FANCA: variants seen among roughly 807,000 people sequenced by gnomAD.
FANCA encodes Fanconi anemia group A protein.
FANCA carries 236 observed loss-of-function variants against 194.3 expected under a neutral mutation model. The ratio of observed to expected loss-of-function variants is 1.21; its 90% CI spans 1.09 to 1.35. The LOEUF (loss-of-function observed/expected upper bound fraction) is 1.35, where lower values mean the gene tolerates loss of function less well. Among genes scored for constraint, FANCA ranks in the 40% most tolerant of loss-of-function variants. The pLI is 0.00. For missense variants in FANCA, 2,628 were observed against 1,813.9 expected (o/e 1.45, Z -8.15); for synonymous variants, 1,014 against 715.8 (o/e 1.42, Z -6.65).
At chr16:89,799,521 C>CA (rs1321004574) in intron 9 of FANCA, 84 bp downstream of exon 9, 6 of 1,353,176 alleles carry the variant, frequency 4.4e-6, no homozygotes, top group Non-Finnish European at 6.4e-6. Context: ...AGAAATACCT[C>CA]AAATGGAAAG....
At chr16:89,805,023 G>C (rs17232302) in intron 7 of FANCA, among the ~76,000 whole-genome samples, 84 of 152,250 alleles carry the variant, frequency 5.5e-4, no homozygotes, top group African/African-American at 1.8e-3. Context: ...GCGACAGAAG[G>C]AAGCAGCTGC....
At chr16:89,816,491 C>T (rs2041134369) in intron 1 of FANCA, 46 bp downstream of exon 1, 2 of 1,449,330 alleles carry the variant, frequency 1.4e-6, no homozygotes, top group Non-Finnish European at 1.8e-6. Flanking sequence ...CGAAACCGTC[C>T]CGGGCCGGAC....
Position 89,758,583 on chromosome 16 carries a change from T to A in FANCA, c.2975A>T (p.His992Leu), listed in dbSNP as rs184007986. The A allele has an allele frequency of 1.9e-5, 30 of 1,613,630 alleles. No homozygotes were observed. The highest frequency in any genetic ancestry group is 2.5e-5 in the Non-Finnish European group (29 of 1,179,642). ...TACAGTGTGTGCTGCTAACCTTTGG[T>A]GGAAATCCATCAGTGCGTTGACAAG... ...TILVNALMDF[H>L]QSSRSYDHSE... The change falls in exon 30 of 43, where the codon CAC (histidine) becomes CTC (leucine). Residue 992 changes from histidine to leucine, a missense_variant. His to Leu is a moderately conservative substitution (Grantham distance 99). Transcript: ENST00000389301.
chr16:89,783,642 C>A (rs1384372617), intron 15 of FANCA, among the ~76,000 whole-genome samples: 1 of 152,076 alleles, frequency 6.6e-6, no homozygotes, highest in Admixed American at 6.6e-5. Context: ...TCCTGCAAGT[C>A]CAGGGCGGCT....
At chr16:89,793,404 G>A (rs1047555055) in intron 11 of FANCA, among the ~76,000 whole-genome samples, 17 of 152,112 alleles carry the variant, frequency 1.1e-4, no homozygotes, top group African/African-American at 3.9e-4. Context: ...CTTTTCCTAG[G>A]TTATGATTAT....
At chr16:89,762,354 G>A (rs1308460291) in intron 28 of FANCA, among the ~76,000 whole-genome samples, 2 of 152,038 alleles carry the variant, frequency 1.3e-5, no homozygotes, top group African/African-American at 4.8e-5. Context: ...AGCACTTTGG[G>A]AGGCTGAGGC....
intron 38 of FANCA, chr16:89,740,306 C>A: frequency 1.7e-6 from 1 of 592,912 alleles, no homozygotes; most frequent in Non-Finnish European, 3.0e-6. Flanking sequence ...AGCACCCACA[C>A]CAAGGCTGCT....
At chr16:89,812,902 G>A (rs948245947) in intron 3 of FANCA, among the ~76,000 whole-genome samples, 7 of 151,178 alleles carry the variant, frequency 4.6e-5, no homozygotes, top group Non-Finnish European at 8.8e-5. Context: ...GTGCGGCGGC[G>A]GGCACCTATA....
rs2038913355 is a variant in FANCA at position 89,760,430 on chromosome 16, C to A, written c.2852+1519G>T. On this transcript the variant is annotated intron_variant, in intron 29 of 42. Transcript: ENST00000389301. ...GACAGTGCTGCATGTGCCTGGAAGG[C>A]CCCTGATGGCCGGAAGGACGAGGAG... Among the ~76,000 whole-genome samples, 3 of 152,192 alleles carry A rather than the reference C, an allele frequency of 2.0e-5. 1 individual carries two copies. In the South Asian group the frequency reaches 6.2e-4, roughly 32 times the overall value.
intron 33 of FANCA, 40 bp from the exon 34 acceptor site, chr16:89,746,930 AAG>A (rs930178800): frequency 6.5e-7 from 1 of 1,531,744 alleles, no homozygotes. Flanking sequence ...AGCCCACAGG[AAG>A]AGAGGCGAGA....
intron 36 of FANCA, among the ~76,000 whole-genome samples, chr16:89,744,335 C>T (rs1322729225): frequency 1.3e-5 from 2 of 152,234 alleles, no homozygotes; most frequent in Admixed American, 6.5e-5. Flanking sequence ...CTGACGACCC[C>T]TTAAGAACAC....
chr16:89,774,466 C>G (rs1026269942), intron 21 of FANCA, among the ~76,000 whole-genome samples: 1 of 152,034 alleles, frequency 6.6e-6, no homozygotes, highest in African/African-American at 2.4e-5. Context: ...CATGGGGGCT[C>G]CCACCTGTAA....
intron 22 of FANCA, among the ~76,000 whole-genome samples, chr16:89,772,785 C>G (rs928103820): frequency 6.6e-6 from 1 of 151,360 alleles, no homozygotes; most frequent in Non-Finnish European, 1.5e-5. Flanking sequence ...CGCCACTGCA[C>G]TCCAGCCTGG....
At position 89,759,318 on chromosome 16, in the gene FANCA, T is replaced by TTAAAAAAAAAAAAAAAAAAAAAAAAAA. The variant is rs1224981781; in HGVS notation, c.2853-614_2853-613insTTTTTTTTTTTTTTTTTTTTTTTTTTA. Among the ~76,000 whole-genome samples the TTAAAAAAAAAAAAAAAAAAAAAAAAAA allele has an allele frequency of 2.7e-5, 2 of 75,180 alleles. 1 individual carries two copies. The highest frequency in any genetic ancestry group is 1.0e-4 in the African/African-American group (2 of 19,524). The allele number at this position is 75,180 out of a possible 152,430, so 49.3% of individuals were successfully genotyped here. The stretch of plus-strand genomic sequence containing the variant: ...TTGGGCAACAGAGCGAGACTCCGTC[T>TTAAAAAAAAAAAAAAAAAAAAAAAAAA]AAAAAAAAAAAAAAAAAAAAAAAAA... On this transcript the variant is annotated intron_variant, in intron 29 of 42. Transcript: ENST00000389301.
chr16:89,765,345 C>T (rs2039090828), intron 27 of FANCA, among the ~76,000 whole-genome samples: 1 of 151,238 alleles, frequency 6.6e-6, no homozygotes, highest in African/African-American at 2.4e-5. Flanking sequence ...CAGGGGACCT[C>T]AGTCCAGCCC....
At chr16:89,742,032 C>G (rs1303732894) in intron 37 of FANCA, among the ~76,000 whole-genome samples, 1 of 151,850 alleles carries the variant, frequency 6.6e-6, no homozygotes. Flanking sequence ...GTGGCGTGAT[C>G]TTGGCTCACT....
chr16:89,783,197 G>C (rs1420143685), intron 15 of FANCA, 95 bp from the exon 16 acceptor site: 1 of 887,776 alleles, frequency 1.1e-6, no homozygotes, highest in Admixed American at 1.9e-5. Context: ...ACAGTGCTGA[G>C]TAGAGAAACA....
intron 30 of FANCA, among the ~76,000 whole-genome samples, chr16:89,756,737 T>C (rs942483906): frequency 3.3e-5 from 5 of 152,212 alleles, no homozygotes; most frequent in Admixed American, 3.3e-4. Context: ...TGTGCAAACC[T>C]ACCCATAAAG....
intron 3 of FANCA, among the ~76,000 whole-genome samples, chr16:89,811,725 AATTTT>A (rs1453391342): frequency 8.6e-6 from 1 of 115,812 alleles, no homozygotes; most frequent in Non-Finnish European, 1.7e-5. Context: ...TTCCAAAATT[AATTTT>A]TTTTTGTTTT....
Sources: gnomAD v4.1 joint callset for allele counts (sites outside exome capture counted in the v4.1 genomes callset) on GRCh38, gnomAD v4.1.1 for gene constraint, MANE v1.5 for transcripts, NCBI Gene and HGNC (gene_info 2026-07-23, HGNC 2026-07-21) for gene names.